ARSJ: variants seen among roughly 807,000 people sequenced by gnomAD.
The protein encoded by ARSJ is arylsulfatase J.
ARSJ carries 26 observed loss-of-function variants against 35.9 expected under a neutral mutation model. The observed-to-expected ratio is 0.72, with a 90% CI of 0.53 to 1.00. The LOEUF (loss-of-function observed/expected upper bound fraction) is 1.00, where lower values mean the gene tolerates loss of function less well. Among genes scored for constraint, ARSJ ranks in the 50% least tolerant of loss-of-function variants. The pLI, the probability that ARSJ is intolerant of heterozygous loss-of-function variation, is 0.00. For missense variants in ARSJ, 667 were observed against 723.6 expected (o/e 0.92, Z 0.90); for synonymous variants, 294 against 267.6 (o/e 1.10, Z -0.96).
chr4:113,938,820 C>A (rs1197549308), intron 1 of ARSJ, among the ~76,000 whole-genome samples: 1 of 151,904 alleles, frequency 6.6e-6, no homozygotes, highest in Admixed American at 6.6e-5. Flanking sequence ...ACGAGAAAAG[C>A]TCAACATCAC....
At chr4:113,945,403 G>T (rs188131521) in intron 1 of ARSJ, among the ~76,000 whole-genome samples, 19 of 152,250 alleles carry the variant, frequency 1.2e-4, no homozygotes, top group African/African-American at 4.1e-4. Flanking sequence ...CTCCTAAAGT[G>T]CTGGAATTAC....
Position 113,902,871 on chromosome 4 carries a change from A to G in ARSJ, c.1203T>C (p.Tyr401=), listed in dbSNP as rs1273399411. 6.2e-7 allele frequency: 1 copy of G among 1,614,206 alleles called. No homozygotes were observed. Among genetic ancestry groups the G allele is most frequent in the Admixed American group, 1.7e-5 (1 of 60,032 alleles). Residue 401 remains tyrosine (Y), a synonymous_variant, in exon 2 of 2, where the codon TAT becomes TAC. Coordinates refer to ENST00000315366, the MANE Select transcript of ARSJ (RefSeq NM_024590.4). ...QIDEDIQLDG[Y]DIWETISEGL... The stretch of plus-strand genomic sequence containing the variant: ...CCTCACTTATGGTCTCCCAGATATC[A>G]TAGCCATCTAGTTGAATGTCCTCAT...
At chr4:113,928,998 C>G (rs1724256441) in intron 1 of ARSJ, among the ~76,000 whole-genome samples, 1 of 152,072 alleles carries the variant, frequency 6.6e-6, no homozygotes. Context: ...GCTAACCAAG[C>G]AAATCAACTA....
At chr4:113,958,771 C>A (rs943163294) in intron 1 of ARSJ, among the ~76,000 whole-genome samples, 4 of 152,014 alleles carry the variant, frequency 2.6e-5, no homozygotes, top group African/African-American at 9.7e-5. Context: ...TTACCTCTCT[C>A]ATTTCTTTAA....
chr4:113,953,871 G>GC (rs1726010018), intron 1 of ARSJ, among the ~76,000 whole-genome samples: 1 of 151,972 alleles, frequency 6.6e-6, no homozygotes, highest in Non-Finnish European at 1.5e-5. Context: ...GATAGCTCAA[G>GC]CGATAAGGTC....
chr4:113,926,072 T>C (rs368226533), intron 1 of ARSJ, among the ~76,000 whole-genome samples: 1 of 152,144 alleles, frequency 6.6e-6, no homozygotes, highest in African/African-American at 2.4e-5. Context: ...GTCTACAGAA[T>C]GGGCCATCCT....
chr4:113,971,901 T>C (rs1727272635), intron 1 of ARSJ, among the ~76,000 whole-genome samples: 1 of 152,218 alleles, frequency 6.6e-6, no homozygotes, highest in Non-Finnish European at 1.5e-5. Flanking sequence ...GAAATGAGTG[T>C]GTGTGTACAC....
At chr4:113,963,891 A>T (rs1053487224) in intron 1 of ARSJ, among the ~76,000 whole-genome samples, 1 of 152,080 alleles carries the variant, frequency 6.6e-6, no homozygotes, top group African/African-American at 2.4e-5. Flanking sequence ...AAATAATCAC[A>T]CTCAGCTACA....
At chr4:113,940,422 A>G (rs948144731) in intron 1 of ARSJ, among the ~76,000 whole-genome samples, 11 of 152,142 alleles carry the variant, frequency 7.2e-5, no homozygotes, top group African/African-American at 2.7e-4. Flanking sequence ...TCTCACTTAC[A>G]AGTGGGAGCT....
intron 1 of ARSJ, among the ~76,000 whole-genome samples, chr4:113,909,084 T>C (rs2099669650): frequency 1.3e-5 from 2 of 151,940 alleles, no homozygotes; most frequent in Non-Finnish European, 2.9e-5. Context: ...GGATGAAATG[T>C]ATATTTAGAT....
intron 1 of ARSJ, among the ~76,000 whole-genome samples, chr4:113,974,685 T>A (rs1427792531): frequency 6.6e-6 from 1 of 152,124 alleles, no homozygotes; most frequent in Non-Finnish European, 1.5e-5. Flanking sequence ...TTGACAAAGA[T>A]GTGAAACAAG....
At chr4:113,961,891 C>G (rs1443219591) in intron 1 of ARSJ, among the ~76,000 whole-genome samples, 1 of 126,326 alleles carries the variant, frequency 7.9e-6, no homozygotes, top group Non-Finnish European at 1.6e-5. Flanking sequence ...GTCTCTCTCT[C>G]TCTCTCTGTG....
chr4:113,948,782 C>T (rs1422621882), intron 1 of ARSJ, among the ~76,000 whole-genome samples: 1 of 152,086 alleles, frequency 6.6e-6, no homozygotes, highest in Non-Finnish European at 1.5e-5. Flanking sequence ...TTGGCTGTAG[C>T]CATTCCACAT....
intron 1 of ARSJ, among the ~76,000 whole-genome samples, chr4:113,949,887 G>A (rs17581535): frequency 0.098 from 14,860 of 152,132 alleles, 798 homozygotes; most frequent in South Asian, 0.14. Context: ...CCCTTGAGAA[G>A]TAGAAGAGCA....
chr4:113,914,036 C>A (rs188118949), intron 1 of ARSJ, among the ~76,000 whole-genome samples: 4 of 152,028 alleles, frequency 2.6e-5, no homozygotes, highest in African/African-American at 7.2e-5. Context: ...TGCAATAGTG[C>A]GGTCTCAGCT....
intron 1 of ARSJ, among the ~76,000 whole-genome samples, chr4:113,931,381 A>G (rs1363293807): frequency 5.3e-5 from 8 of 152,092 alleles, no homozygotes; most frequent in Non-Finnish European, 8.8e-5. Flanking sequence ...GAAGGAATTA[A>G]TGAGATAACC....
chr4:113,928,694 T>C (rs766333543), intron 1 of ARSJ, among the ~76,000 whole-genome samples: 7 of 152,184 alleles, frequency 4.6e-5, no homozygotes, highest in Non-Finnish European at 7.4e-5. Context: ...CCATTGTATT[T>C]ACATTTTATA....
chr4:113,920,192 G>A (rs1194947563), intron 1 of ARSJ, among the ~76,000 whole-genome samples: 1 of 152,104 alleles, frequency 6.6e-6, no homozygotes, highest in Non-Finnish European at 1.5e-5. Flanking sequence ...TCTTACACAA[G>A]ATGATTTTGG....
chr4:113,967,052 G>T (rs765735538), intron 1 of ARSJ, among the ~76,000 whole-genome samples: 6 of 152,162 alleles, frequency 3.9e-5, no homozygotes, highest in Non-Finnish European at 7.3e-5. Context: ...TGGTAGGTTT[G>T]GTGTGGGTGA....
Sources: gnomAD v4.1 joint callset for allele counts (sites outside exome capture counted in the v4.1 genomes callset) on GRCh38, gnomAD v4.1.1 for gene constraint, MANE v1.5 for transcripts, NCBI Gene and HGNC (gene_info 2026-07-23, HGNC 2026-07-21) for gene names.